Variants in SLC4A4 observed in about 807,000 individuals in gnomAD.
SLC4A4 encodes electrogenic sodium bicarbonate cotransporter 1.
In SLC4A4, 27 loss-of-function variants were observed where a neutral mutation model predicts 111.5. The observed-to-expected ratio is 0.24, with a 90% CI of 0.18 to 0.33. The LOEUF is 0.33. SLC4A4 is among the 10% of genes least tolerant of loss of function. SLC4A4 has a pLI of 1.00. For missense variants in SLC4A4, 909 were observed against 1,315.5 expected, an observed-to-expected ratio of 0.69 and a Z score of 4.78; for synonymous variants, 443 against 463.4, an observed-to-expected ratio of 0.96 and a Z score of 0.57.
chr4:71,527,920 AAAGAAG>A (rs1733565968), intron 16 of SLC4A4, among the ~76,000 whole-genome samples: 1 of 152,028 alleles, frequency 6.6e-6, no homozygotes, highest in Non-Finnish European at 1.5e-5. Flanking sequence ...TATAGATAGG[AAAGAAG>A]AGACCAAAGT....
At chr4:71,412,800 T>G (rs976131624) in intron 7 of SLC4A4, among the ~76,000 whole-genome samples, 1 of 152,174 alleles carries the variant, frequency 6.6e-6, no homozygotes, top group Non-Finnish European at 1.5e-5. Context: ...TTCACTATAA[T>G]GTACCAGAAG....
At chr4:71,115,036 G>A (rs946910462) in intron 2 of SLC4A4, among the ~76,000 whole-genome samples, 1 of 144,646 alleles carries the variant, frequency 6.9e-6, no homozygotes, top group African/African-American at 2.6e-5. Context: ...GTCCTTTGTA[G>A]GGACATGGAT....
chr4:71,361,187 C>T (rs1186803526), intron 6 of SLC4A4, among the ~76,000 whole-genome samples: 4 of 152,198 alleles, frequency 2.6e-5, no homozygotes, highest in African/African-American at 4.8e-5. Flanking sequence ...AATGCATACA[C>T]ATACTCACGC....
chr4:71,502,107 G>A (rs967815016), intron 16 of SLC4A4, among the ~76,000 whole-genome samples: 2 of 152,098 alleles, frequency 1.3e-5, no homozygotes, highest in African/African-American at 2.4e-5. Context: ...GATTACAGGC[G>A]CTTGCCACCG....
intron 14 of SLC4A4, among the ~76,000 whole-genome samples, chr4:71,482,771 A>G (rs1293054121): frequency 1.3e-5 from 2 of 151,610 alleles, no homozygotes; most frequent in Non-Finnish European, 3.0e-5. Flanking sequence ...GAGTCACATC[A>G]TCTAACATTG....
chr4:71,144,171 C>T (rs1407916399), intron 2 of SLC4A4, among the ~76,000 whole-genome samples: 1 of 152,130 alleles, frequency 6.6e-6, no homozygotes, highest in Admixed American at 6.6e-5. Flanking sequence ...ATATGGTTAG[C>T]CAGTTTTCCC....
chr4:71,357,074 A>G lies in SLC4A4; in HGVS notation c.617A>G (p.Tyr206Cys), dbSNP rs777696257. The stretch of plus-strand genomic sequence containing the variant: ...CCTGAACTTAAGGATAAGGTGACCT[A>G]TACTTTGCTCCGGAAGCACCGGCAT... The part of the protein sequence containing the change: ...LKPELKDKVT[Y>C]TLLRKHRHQT... Residue 206 changes from tyrosine (Y) to cysteine (C), a missense_variant, in exon 6 of 26, where the codon TAT becomes TGT. Tyr to Cys is a radical substitution (Grantham distance 194). This residue lies in a region of SLC4A4 where 312 missense variants were observed against 402.0 expected (regional missense o/e 0.78). Coordinates refer to ENST00000264485, the MANE Select transcript of SLC4A4 (RefSeq NM_001098484.3). 2.5e-6 allele frequency: 4 copies of G among 1,614,182 alleles called. No individual in the cohort carries two copies. Among genetic ancestry groups the G allele is most frequent in the Non-Finnish European group, 3.4e-6 (4 of 1,180,020 alleles).
At chr4:71,176,938 G>A (rs532812940) in intron 2 of SLC4A4, among the ~76,000 whole-genome samples, 3 of 152,298 alleles carry the variant, frequency 2.0e-5, no homozygotes, top group South Asian at 4.1e-4. Flanking sequence ...GAAAGGTCGG[G>A]TTACTCACAA....
chr4:71,199,948 G>T (rs1243796407), intron 1 of SLC4A4, among the ~76,000 whole-genome samples: 1 of 144,914 alleles, frequency 6.9e-6, no homozygotes, highest in African/African-American at 2.7e-5. Context: ...ACTGTGTCCA[G>T]CCCACGAGTC....
At chr4:71,143,539 G>A (rs1744071164) in intron 2 of SLC4A4, among the ~76,000 whole-genome samples, 1 of 152,202 alleles carries the variant, frequency 6.6e-6, no homozygotes, top group South Asian at 2.1e-4. Flanking sequence ...CTTCCACAAT[G>A]GTTGAACTAG....
At chr4:71,441,611 C>T (rs1724722454) in intron 8 of SLC4A4, among the ~76,000 whole-genome samples, 1 of 152,052 alleles carries the variant, frequency 6.6e-6, no homozygotes, top group Non-Finnish European at 1.5e-5. Flanking sequence ...ATGAATCCTC[C>T]TCAGTGATAG....
chr4:71,346,277 C>T (rs1729321266), intron 4 of SLC4A4, among the ~76,000 whole-genome samples: 1 of 152,050 alleles, frequency 6.6e-6, no homozygotes, highest in Non-Finnish European at 1.5e-5. Context: ...ATAAACCCCT[C>T]CTCCAAGGTT....
At chr4:71,139,375 C>G (rs886857475) in intron 2 of SLC4A4, among the ~76,000 whole-genome samples, 6 of 152,188 alleles carry the variant, frequency 3.9e-5, no homozygotes, top group African/African-American at 1.4e-4. Flanking sequence ...ATTTACAACA[C>G]CTGCCTTGCC....
chr4:71,496,461 C>T (rs1730416817), intron 15 of SLC4A4, among the ~76,000 whole-genome samples: 2 of 151,978 alleles, frequency 1.3e-5, no homozygotes, highest in South Asian at 2.1e-4. Context: ...ATAAATTGTG[C>T]GTAGAGTTGC....
At chr4:71,444,989 G>A (rs901920447) in intron 8 of SLC4A4, among the ~76,000 whole-genome samples, 1 of 152,116 alleles carries the variant, frequency 6.6e-6, no homozygotes, top group African/African-American at 2.4e-5. Flanking sequence ...TTGGCCCTTG[G>A]TGTTATTCCA....
intron 18 of SLC4A4, among the ~76,000 whole-genome samples, chr4:71,540,312 G>T (rs918150931): frequency 5.9e-5 from 9 of 152,092 alleles, no homozygotes; most frequent in African/African-American, 2.2e-4. Context: ...ACTTTAGGCC[G>T]CTGGGCTAGT....
At chr4:71,559,507 A>G (rs1040563065) in intron 22 of SLC4A4, among the ~76,000 whole-genome samples, 1 of 151,864 alleles carries the variant, frequency 6.6e-6, no homozygotes, top group Non-Finnish European at 1.5e-5. Flanking sequence ...TGTTCTGAAG[A>G]ATAAATGAGA....
intron 2 of SLC4A4, among the ~76,000 whole-genome samples, chr4:71,160,417 A>C (rs920522720): frequency 1.4e-4 from 21 of 152,046 alleles, no homozygotes; most frequent in African/African-American, 4.3e-4. Flanking sequence ...GGTACTTGAT[A>C]AAATTGTAAT....
At chr4:71,131,042 A>G (rs1338672721) in intron 2 of SLC4A4, among the ~76,000 whole-genome samples, 4 of 152,170 alleles carry the variant, frequency 2.6e-5, no homozygotes. Context: ...TAGAATCTCA[A>G]ACTATGACAC....
Sources: allele counts gnomAD v4.1 joint callset (sites outside exome capture counted in the v4.1 genomes callset), GRCh38; gene constraint gnomAD v4.1.1; regional missense constraint gnomAD v4.1.1; transcripts MANE v1.5; gene names NCBI Gene and HGNC (gene_info 2026-07-23, HGNC 2026-07-21).